The following AKAP6 variants were observed in gnomAD, a reference collection of about 807,000 sequenced individuals.
The protein encoded by AKAP6 is A-kinase anchoring protein 6, also known as A-kinase anchor protein 6.
In AKAP6, 58 loss-of-function variants were observed where a neutral mutation model predicts 188.5. The observed-to-expected ratio is 0.31, with a 90% confidence interval of 0.25 to 0.38. The LOEUF is 0.38. AKAP6 is among the 10% of genes least tolerant of loss of function. The probability of loss-of-function intolerance (pLI) is 1.00; values close to 1 mark genes in which losing one functional copy is unlikely to be tolerated. For missense variants in AKAP6, 2,710 were observed against 2,740.0 expected (o/e 0.99, Z 0.24); for synonymous variants, 989 against 998.6 (o/e 0.99, Z 0.18).
Position 32,545,412 on chromosome 14 carries a change from T to C in AKAP6, c.759T>C (p.Phe253=), listed in dbSNP as rs1161095188. The change falls in exon 4 of 14, where the codon TTT becomes TTC. Residue 253 remains phenylalanine, a synonymous_variant. Coordinates refer to ENST00000280979, the MANE Select transcript of AKAP6 (RefSeq NM_004274.5). ...MTSSQVKTKP[F]DSWSYSEMEK... ...CTAGCCAAGTCAAAACCAAACCCTTTGACTCTTGGAGCTACAGTGAGATGG... is the reference window on the plus strand; with the variant it reads ...CTAGCCAAGTCAAAACCAAACCCTTCGACTCTTGGAGCTACAGTGAGATGG... The C allele has an allele frequency of 1.2e-6, 2 of 1,614,108 alleles. No homozygotes were observed. Among genetic ancestry groups the C allele is most frequent in the African/African-American group, 2.7e-5 (2 of 74,946 alleles).
chr14:32,709,485 AT>A (rs934863484), intron 9 of AKAP6, among the ~76,000 whole-genome samples: 4 of 152,038 alleles, frequency 2.6e-5, no homozygotes, highest in African/African-American at 9.7e-5. Flanking sequence ...TCTCCTGAAT[AT>A]TCCAAAGTTG....
chr14:32,756,557 G>A (rs1358172112), intron 11 of AKAP6, among the ~76,000 whole-genome samples: 1 of 152,012 alleles, frequency 6.6e-6, no homozygotes, highest in Non-Finnish European at 1.5e-5. Flanking sequence ...TTCAGCCCAT[G>A]GGTTCTAGCC....
chr14:32,647,420 G>A (rs924981514), intron 7 of AKAP6, among the ~76,000 whole-genome samples: 2 of 151,912 alleles, frequency 1.3e-5, no homozygotes, highest in African/African-American at 4.8e-5. Flanking sequence ...CCTTTAACTG[G>A]TAAGAAAAAT....
At chr14:32,402,392 G>A (rs114572147) in intron 1 of AKAP6, among the ~76,000 whole-genome samples, 73 of 152,176 alleles carry the variant, frequency 4.8e-4, no homozygotes, top group African/African-American at 1.7e-3. Context: ...AAATTTTTCA[G>A]CCCACAAATT....
At position 32,608,375 on chromosome 14, in the gene AKAP6, C is replaced by T. The variant is rs1886213170; in HGVS notation, c.2730+7583C>T. 1.3e-5 allele frequency among the ~76,000 whole-genome samples: 2 copies of T among 151,860 alleles called. 1 individual carries two copies. The highest frequency in any genetic ancestry group is 4.8e-5 in the African/African-American group (2 of 41,350). The stretch of plus-strand genomic sequence containing the variant: ...ATTAGCCAAGTGTCATGGTGTGTGC[C>T]TGTAGTCCCAGCTACTTAGGAGGCT... On this transcript the variant is annotated intron_variant, in intron 7 of 13. Transcript: ENST00000280979.
intron 2 of AKAP6, among the ~76,000 whole-genome samples, chr14:32,463,321 T>C (rs576161445): frequency 6.6e-6 from 1 of 152,296 alleles, no homozygotes; most frequent in Non-Finnish European, 1.5e-5. Context: ...CACATAGCAC[T>C]TATTCTAAAA....
chr14:32,667,664 G>C (rs1374858292), intron 7 of AKAP6, among the ~76,000 whole-genome samples: 1 of 152,142 alleles, frequency 6.6e-6, no homozygotes, highest in Non-Finnish European at 1.5e-5. Flanking sequence ...GCACTGAGCT[G>C]AGTGCTACTG....
intron 1 of AKAP6, among the ~76,000 whole-genome samples, chr14:32,342,142 C>CGG (rs1365707027): frequency 6.6e-6 from 1 of 152,126 alleles, no homozygotes; most frequent in East Asian, 1.9e-4. Flanking sequence ...CTTCTATTTC[C>CGG]ATGTGCTGAT....
intron 7 of AKAP6, among the ~76,000 whole-genome samples, chr14:32,636,910 C>G (rs923102068): frequency 2.6e-5 from 4 of 151,874 alleles, no homozygotes; most frequent in African/African-American, 9.7e-5. Context: ...AGAGGGGTCT[C>G]TAACAGCAGT....
At chr14:32,694,008 C>T (rs1004559695) in intron 8 of AKAP6, among the ~76,000 whole-genome samples, 7 of 151,930 alleles carry the variant, frequency 4.6e-5, no homozygotes, top group Non-Finnish European at 7.4e-5. Context: ...TTTAGTCTTT[C>T]GAAATGGGAT....
chr14:32,688,080 A>G (rs536223252), intron 8 of AKAP6, among the ~76,000 whole-genome samples: 10 of 151,710 alleles, frequency 6.6e-5, no homozygotes, highest in Non-Finnish European at 1.0e-4. Context: ...TTCAAAGTTA[A>G]CAGTGTAGTC....
intron 12 of AKAP6, among the ~76,000 whole-genome samples, chr14:32,799,014 G>A (rs1285822582): frequency 2.0e-5 from 3 of 152,120 alleles, no homozygotes; most frequent in Non-Finnish European, 4.4e-5. Context: ...TTATGCTATT[G>A]TAGTAACTAA....
intron 7 of AKAP6, among the ~76,000 whole-genome samples, chr14:32,676,634 G>A (rs1295095963): frequency 6.6e-6 from 1 of 152,088 alleles, no homozygotes; most frequent in Non-Finnish European, 1.5e-5. Context: ...ATTAGTTTGG[G>A]CAAGAACAGT....
chr14:32,638,432 T>C (rs1887610890), intron 7 of AKAP6, among the ~76,000 whole-genome samples: 1 of 152,148 alleles, frequency 6.6e-6, no homozygotes, highest in South Asian at 2.1e-4. Flanking sequence ...GTGTTTTTCC[T>C]ATTTCACCGT....
chr14:32,532,455 C>T (rs1209199696), intron 2 of AKAP6, among the ~76,000 whole-genome samples: 2 of 152,028 alleles, frequency 1.3e-5, no homozygotes, highest in African/African-American at 4.8e-5. Context: ...TATTGTTTTC[C>T]CTGGATAGTT....
Position 32,815,020 on chromosome 14 carries a change from G to A in AKAP6, c.3589-6382G>A, listed in dbSNP as rs186072835. On this transcript the variant is annotated intron_variant, in intron 12 of 13. Coordinates refer to ENST00000280979, the MANE Select transcript of AKAP6 (RefSeq NM_004274.5). Reference sequence around the variant, plus strand: ...GTTTATTTATGGGAAGAAAACCCCTGCTTCCCATTACTGGACTCCCTTTTG... The same window carrying A: ...GTTTATTTATGGGAAGAAAACCCCTACTTCCCATTACTGGACTCCCTTTTG... Among the ~76,000 whole-genome samples, 359 of 152,308 alleles carry A rather than the reference G, an allele frequency of 2.4e-3. 2 individuals carry two copies. Among genetic ancestry groups the A allele is most frequent in the African/African-American group, 8.2e-3 (339 of 41,570 alleles).
chr14:32,726,638 A>C (rs1317492303), intron 9 of AKAP6, among the ~76,000 whole-genome samples: 1 of 152,268 alleles, frequency 6.6e-6, no homozygotes, highest in South Asian at 2.1e-4. Context: ...TTCAGTCTTC[A>C]ATTAATGTGA....
At chr14:32,826,874 T>C (rs1031344201) in intron 13 of AKAP6, among the ~76,000 whole-genome samples, 1 of 152,112 alleles carries the variant, frequency 6.6e-6, no homozygotes, top group Non-Finnish European at 1.5e-5. Flanking sequence ...TGCCTGGCCT[T>C]ATCTCGGGCA....
intron 1 of AKAP6, among the ~76,000 whole-genome samples, chr14:32,332,889 G>A (rs548034643): frequency 8.5e-4 from 129 of 152,246 alleles, no homozygotes; most frequent in Non-Finnish European, 1.6e-3. Context: ...GAAGCCTTGT[G>A]TTTGAGGAGA....
Sources: gnomAD v4.1 joint callset for allele counts (sites outside exome capture counted in the v4.1 genomes callset) on GRCh38, gnomAD v4.1.1 for gene constraint, MANE v1.5 for transcripts, NCBI Gene and HGNC (gene_info 2026-07-23, HGNC 2026-07-21) for gene names.